ALPK2: variants seen among roughly 807,000 people sequenced by gnomAD.
The protein encoded by ALPK2 is alpha-protein kinase 2.
In ALPK2, 127 loss-of-function variants were observed where a neutral mutation model predicts 163.1. That is an observed-to-expected ratio of 0.78 (90% CI 0.67 to 0.90). The LOEUF (loss-of-function observed/expected upper bound fraction) is 0.90, where lower values mean the gene tolerates loss of function less well. ALPK2 is among the 40% of genes least tolerant of loss of function. The pLI is 0.00. For synonymous variants in ALPK2, 953 were observed against 959.1 expected (o/e 0.99, Z 0.12); for missense variants, 2,360 against 2,589.6 (o/e 0.91, Z 1.92).
At chr18:58,508,865 C>G (rs2051474661) in intron 10 of ALPK2, among the ~76,000 whole-genome samples, 2 of 151,024 alleles carry the variant, frequency 1.3e-5, no homozygotes, top group Admixed American at 1.3e-4. Flanking sequence ...CCGGTAACAG[C>G]TCTATGTATA....
intron 3 of ALPK2, among the ~76,000 whole-genome samples, chr18:58,587,434 A>G (rs1488218993): frequency 6.6e-6 from 1 of 152,262 alleles, no homozygotes; most frequent in Non-Finnish European, 1.5e-5. Context: ...AACTGTCCCT[A>G]GACTTGCTAA....
chr18:58,560,324 A>G (rs938592004), intron 4 of ALPK2, among the ~76,000 whole-genome samples: 4 of 152,240 alleles, frequency 2.6e-5, no homozygotes, highest in African/African-American at 9.6e-5. Flanking sequence ...CTGCTCAGCC[A>G]TGTGGAACTA....
chr18:58,521,879 G>A (rs762453647), intron 8 of ALPK2, among the ~76,000 whole-genome samples: 9 of 151,726 alleles, frequency 5.9e-5, no homozygotes, highest in Non-Finnish European at 1.3e-4. Context: ...CACTCGCCTC[G>A]GCCTTCCAAA....
intron 4 of ALPK2, among the ~76,000 whole-genome samples, chr18:58,555,904 C>A (rs888891163): frequency 6.6e-6 from 1 of 152,334 alleles, no homozygotes. Context: ...TCACTGCAAC[C>A]TCTGCCTCCC....
chr18:58,515,861 G>A (rs1204850139), intron 9 of ALPK2, among the ~76,000 whole-genome samples: 2 of 152,152 alleles, frequency 1.3e-5, no homozygotes, highest in Admixed American at 1.3e-4. Context: ...TTTTAAAGGG[G>A]CACAGAGCTG....
intron 4 of ALPK2, among the ~76,000 whole-genome samples, chr18:58,542,513 T>C (rs1462723290): frequency 2.0e-5 from 3 of 152,160 alleles, no homozygotes; most frequent in African/African-American, 4.8e-5. Context: ...GGTCCAATCA[T>C]AGAAACCACA....
At chr18:58,516,517 C>T (rs59854784) in intron 9 of ALPK2, among the ~76,000 whole-genome samples, 27,482 of 152,094 alleles carry the variant, frequency 0.18, 2,551 homozygotes, top group Non-Finnish European at 0.19. Flanking sequence ...CAAAACACTC[C>T]AGCAACTAGT....
At chr18:58,527,994 A>T (rs1011230822) in intron 6 of ALPK2, among the ~76,000 whole-genome samples, 12 of 151,548 alleles carry the variant, frequency 7.9e-5, no homozygotes, top group Admixed American at 3.3e-4. Context: ...GGGGATTGGA[A>T]CCCCTCCCAT....
chr18:58,575,375 C>G (rs12964223), intron 4 of ALPK2, among the ~76,000 whole-genome samples: 28,445 of 152,070 alleles, frequency 0.19, 3,132 homozygotes, highest in African/African-American at 0.3. Flanking sequence ...TGAACAAATT[C>G]CCTTCCATCA....
Position 58,482,044 on chromosome 18 carries a change from G to C in ALPK2, c.6297-5C>G, listed in dbSNP as rs2051314443. The C allele has an allele frequency of 2.5e-6, 4 of 1,608,100 alleles. No homozygotes were observed. The highest frequency in any genetic ancestry group is 4.5e-5 in the East Asian group (2 of 44,840). On this transcript the variant is annotated splice_polypyrimidine_tract_variant and splice_region_variant and intron_variant, in intron 12 of 12. Coordinates refer to ENST00000361673, the MANE Select transcript of ALPK2 (RefSeq NM_052947.4). ...TTGCCTTTAAATCCCTTGTACCTGT[G>C]AGTTTGGGTGGAAGGAAACATAGCT...
At chr18:58,515,647 T>G (rs1022393314) in intron 9 of ALPK2, among the ~76,000 whole-genome samples, 1 of 151,498 alleles carries the variant, frequency 6.6e-6, no homozygotes, top group Non-Finnish European at 1.5e-5. Context: ...AAAAGCAGAG[T>G]GGATTGGGAG....
intron 4 of ALPK2, among the ~76,000 whole-genome samples, chr18:58,563,297 T>G (rs2051834592): frequency 1.3e-5 from 2 of 152,230 alleles, no homozygotes; most frequent in Admixed American, 6.5e-5. Flanking sequence ...TTTCGTCTCT[T>G]AAAGGATTTT....
At chr18:58,524,951 C>CAA (rs377122433) in intron 6 of ALPK2, among the ~76,000 whole-genome samples, 1,567 of 106,006 alleles carry the variant, frequency 0.015, 22 homozygotes, top group East Asian at 0.05. Flanking sequence ...TACTCTACAG[C>CAA]AAAAAAAAAA....
chr18:58,601,331 A>G (rs2052068648), intron 3 of ALPK2, among the ~76,000 whole-genome samples: 1 of 152,222 alleles, frequency 6.6e-6, no homozygotes, highest in Non-Finnish European at 1.5e-5. Context: ...AGATACATGC[A>G]AATAGATGAT....
chr18:58,482,088 T>C lies in ALPK2; in HGVS notation c.6297-49A>G, dbSNP rs752439718. ...CATAGCTTTTAAAAACAGGACACTTTCATCAGTTTAAAAAGAAAAACTTGA... is the reference window on the plus strand; with the variant it reads ...CATAGCTTTTAAAAACAGGACACTTCCATCAGTTTAAAAAGAAAAACTTGA... On this transcript the variant is annotated intron_variant, in intron 12 of 12. Coordinates refer to ENST00000361673, the MANE Select transcript of ALPK2 (RefSeq NM_052947.4). 2.8e-6 allele frequency: 4 copies of C among 1,429,312 alleles called. No individual in the cohort carries two copies. The East Asian group carries it at 9.1e-5, about 33-fold the overall frequency. The allele number at this position is 1,429,312 out of a possible 1,614,324, so 88.5% of individuals were successfully genotyped here.
chr18:58,532,627 C>T (rs1487222125), intron 5 of ALPK2, among the ~76,000 whole-genome samples: 1 of 152,184 alleles, frequency 6.6e-6, no homozygotes, highest in East Asian at 1.9e-4. Flanking sequence ...ACTAAGCTCT[C>T]TATTTATTTC....
chr18:58,573,330 A>ATATGTGTATATATATGTATATATATATG (rs1420636359), intron 4 of ALPK2, among the ~76,000 whole-genome samples: 95 of 144,288 alleles, frequency 6.6e-4, no homozygotes, highest in Admixed American at 3.5e-4. Flanking sequence ...ATATATGTAT[A>ATATGTGTATATATATGTATATATATATG]TATGTGTATA....
chr18:58,487,047 G>T (rs1312484191), intron 12 of ALPK2, among the ~76,000 whole-genome samples: 1 of 152,160 alleles, frequency 6.6e-6, no homozygotes, highest in Non-Finnish European at 1.5e-5. Flanking sequence ...GCAGAAACTC[G>T]CTATCCTTTT....
At chr18:58,559,250 G>A (rs556026174) in intron 4 of ALPK2, among the ~76,000 whole-genome samples, 1 of 152,300 alleles carries the variant, frequency 6.6e-6, no homozygotes, top group South Asian at 2.1e-4. Context: ...GTTGGGGTGA[G>A]GGGAAGAGAT....
Sources: gnomAD v4.1 joint callset for allele counts (sites outside exome capture counted in the v4.1 genomes callset) on GRCh38, gnomAD v4.1.1 for gene constraint, MANE v1.5 for transcripts, NCBI Gene and HGNC (gene_info 2026-07-23, HGNC 2026-07-21) for gene names.